TMEM117: variants seen among roughly 807,000 people sequenced by gnomAD.
TMEM117 encodes the protein transmembrane protein 117.
A neutral mutation model predicts 52.4 loss-of-function variants in TMEM117; 27 were observed. The ratio of observed to expected loss-of-function variants is 0.51; its 90% confidence interval spans 0.38 to 0.71. The LOEUF (loss-of-function observed/expected upper bound fraction) is 0.71, where lower values mean the gene tolerates loss of function less well. Ranked by LOEUF, TMEM117 falls within the 30% of genes least tolerant of loss-of-function variation. TMEM117 has a pLI of 0.00. For missense variants in TMEM117, 556 were observed against 630.5 expected (o/e 0.88, Z 1.26); for synonymous variants, 215 against 206.3 (o/e 1.04, Z -0.36).
At chr12:44,004,905 C>A (rs975663181) in intron 3 of TMEM117, among the ~76,000 whole-genome samples, 6 of 152,098 alleles carry the variant, frequency 3.9e-5, no homozygotes, top group African/African-American at 1.4e-4. Flanking sequence ...AGAAGGCTAC[C>A]ATTCTGACCA....
intron 3 of TMEM117, among the ~76,000 whole-genome samples, chr12:44,129,881 A>C (rs933520483): frequency 3.3e-5 from 5 of 152,190 alleles, no homozygotes; most frequent in African/African-American, 4.8e-5. Context: ...CACTCATTAC[A>C]ATACTCTTCA....
chr12:44,023,852 T>C (rs1284027091), intron 3 of TMEM117, among the ~76,000 whole-genome samples: 1 of 149,676 alleles, frequency 6.7e-6, no homozygotes, highest in Admixed American at 6.7e-5. Context: ...TTAGGAGATA[T>C]ACCTAATGCT....
chr12:43,892,474 A>G (rs1028092778), intron 2 of TMEM117, among the ~76,000 whole-genome samples: 3 of 152,196 alleles, frequency 2.0e-5, no homozygotes, highest in Admixed American at 6.5e-5. Context: ...TTTAGGCATA[A>G]TGAACCAGGC....
chr12:44,207,231 C>T (rs2138386218), intron 4 of TMEM117, among the ~76,000 whole-genome samples: 1 of 152,200 alleles, frequency 6.6e-6, no homozygotes, highest in East Asian at 1.9e-4. Flanking sequence ...ACTACATAGC[C>T]ATAGTTATTT....
chr12:44,213,217 A>G (rs1455159137), intron 5 of TMEM117, among the ~76,000 whole-genome samples: 1 of 152,172 alleles, frequency 6.6e-6, no homozygotes, highest in African/African-American at 2.4e-5. Flanking sequence ...ATCCCATAAG[A>G]TAGGTGCTAT....
At chr12:44,273,347 C>G (rs1565660264) in intron 5 of TMEM117, among the ~76,000 whole-genome samples, 1 of 151,226 alleles carries the variant, frequency 6.6e-6, no homozygotes, top group Non-Finnish European at 1.5e-5. Flanking sequence ...CACATGTACC[C>G]TAGAACTTAA....
chr12:44,246,179 G>A (rs1252794361), intron 5 of TMEM117, among the ~76,000 whole-genome samples: 3 of 151,996 alleles, frequency 2.0e-5, no homozygotes, highest in Admixed American at 6.6e-5. Flanking sequence ...ATTTTTGCAA[G>A]TACAGTAATG....
At chr12:44,247,727 C>T (rs768453887) in intron 5 of TMEM117, among the ~76,000 whole-genome samples, 1 of 152,208 alleles carries the variant, frequency 6.6e-6, no homozygotes, top group Non-Finnish European at 1.5e-5. Context: ...ATCACCTATG[C>T]CCCAACCCCA....
chr12:44,345,346 G>A (rs750643094), intron 6 of TMEM117, among the ~76,000 whole-genome samples: 8 of 152,168 alleles, frequency 5.3e-5, no homozygotes, highest in Non-Finnish European at 1.0e-4. Flanking sequence ...CCTTTATCAT[G>A]TGGAATAGCA....
At chr12:44,023,484 C>G (rs1179308923) in intron 3 of TMEM117, among the ~76,000 whole-genome samples, 2 of 152,004 alleles carry the variant, frequency 1.3e-5, no homozygotes, top group East Asian at 3.9e-4. Context: ...TCTCCAGCAC[C>G]TGTTGTTTCC....
Position 43,947,580 on chromosome 12 carries a change from G to A in TMEM117, c.410+3238G>A, listed in dbSNP as rs139817282. On this transcript the variant is annotated intron_variant, in intron 3 of 7. Transcript: ENST00000266534. ...ATGATGGAGCCAGAGAGTGCAGAAA[G>A]GACAGTGAGCACACAGACATCACAA... Among the ~76,000 whole-genome samples the A allele has an allele frequency of 5.3e-3, 804 of 152,242 alleles. 5 individuals carry two copies. Among genetic ancestry groups the A allele is most frequent in the African/African-American group, 0.018 (752 of 41,540 alleles).
chr12:44,386,143 C>A (rs1333554533), intron 7 of TMEM117, among the ~76,000 whole-genome samples: 1 of 152,146 alleles, frequency 6.6e-6, no homozygotes, highest in Non-Finnish European at 1.5e-5. Context: ...TTGGCACCTC[C>A]AGATGTAGCC....
chr12:43,835,747 C>G (rs1943014376), upstream of TMEM117, among the ~76,000 whole-genome samples: 4 of 152,282 alleles, frequency 2.6e-5, no homozygotes, highest in Admixed American at 2.0e-4. Context: ...GTCCGTCCCT[C>G]GCCTGCAGCT....
At chr12:44,086,762 G>C (rs1947574871) in intron 3 of TMEM117, among the ~76,000 whole-genome samples, 1 of 152,124 alleles carries the variant, frequency 6.6e-6, no homozygotes, top group Admixed American at 6.5e-5. Flanking sequence ...TTTAGAAACA[G>C]TTTTTACTTT....
intron 6 of TMEM117, among the ~76,000 whole-genome samples, chr12:44,322,628 T>C (rs1360477121): frequency 6.6e-6 from 1 of 152,142 alleles, no homozygotes; most frequent in Admixed American, 6.6e-5. Context: ...GAGATATGGT[T>C]TAAAACTATG....
At chr12:44,105,658 A>G (rs78459717) in intron 3 of TMEM117, among the ~76,000 whole-genome samples, 16,815 of 151,986 alleles carry the variant, frequency 0.11, 2,510 homozygotes, top group African/African-American at 0.34. Context: ...TGTGAACTTG[A>G]AAAGTGCTTT....
At chr12:43,893,921 G>A (rs1054697638) in intron 2 of TMEM117, among the ~76,000 whole-genome samples, 2 of 152,196 alleles carry the variant, frequency 1.3e-5, no homozygotes, top group Non-Finnish European at 2.9e-5. Context: ...TGGCACCTCA[G>A]TGCTTCTTGG....
chr12:44,160,027 C>T (rs1251649629), intron 4 of TMEM117, among the ~76,000 whole-genome samples: 1 of 152,060 alleles, frequency 6.6e-6, no homozygotes, highest in Non-Finnish European at 1.5e-5. Context: ...AAGGAGGGCT[C>T]AGAGAGAAGT....
At chr12:44,116,425 T>C (rs1261981766) in intron 3 of TMEM117, among the ~76,000 whole-genome samples, 3 of 152,178 alleles carry the variant, frequency 2.0e-5, no homozygotes, top group Non-Finnish European at 4.4e-5. Context: ...CTAGCCTGAA[T>C]ATTTTTGTAT....
Sources: gnomAD v4.1 joint callset for allele counts (sites outside exome capture counted in the v4.1 genomes callset) on GRCh38, gnomAD v4.1.1 for gene constraint, MANE v1.5 for transcripts, NCBI Gene and HGNC (gene_info 2026-07-23, HGNC 2026-07-21) for gene names.